The following KCNH7 variants were observed in gnomAD, a reference collection of about 807,000 sequenced individuals.
KCNH7 encodes the protein potassium voltage-gated channel subfamily H member 7, also known as voltage-gated inwardly rectifying potassium channel KCNH7.
Under a neutral mutation model 120.8 loss-of-function variants are expected in KCNH7, and 49 were observed. The observed-to-expected ratio is 0.41, with a 90% CI of 0.32 to 0.51. The LOEUF is 0.51. KCNH7 is among the 20% of genes least tolerant of loss of function. The probability of loss-of-function intolerance (pLI) is 0.38; values close to 1 mark genes in which losing one functional copy is unlikely to be tolerated. For missense variants in KCNH7, 1,097 were observed against 1,446.6 expected (o/e 0.76, Z 3.92); for synonymous variants, 547 against 516.1 (o/e 1.06, Z -0.81).
chr2:162,512,655 T>G lies in KCNH7; in HGVS notation c.912A>C (p.Lys304Asn), dbSNP rs763435389. The change falls in exon 5 of 16, where the codon AAA (lysine) becomes AAC (asparagine). Residue 304 changes from lysine (K) to asparagine (N), a missense_variant and splice_region_variant. Lys to Asn is a moderately conservative substitution (Grantham distance 94). Around this residue, in one of 8 missense-constraint regions of KCNH7, gnomAD observed 362 missense variants for 372.2 expected, o/e 0.97. Transcript: ENST00000332142. ...GTGAAATTTGAGTTTGTACATTACCTTTGACATTGCGACCATTGTCTGTTT... is the reference window on the plus strand; with the variant it reads ...GTGAAATTTGAGTTTGTACATTACCGTTGACATTGCGACCATTGTCTGTTT... ...HASEDNGRNVKGPFNHIKSSL... is the reference protein window; with the variant it reads ...HASEDNGRNVNGPFNHIKSSL... The G allele has an allele frequency of 1.2e-6, 2 of 1,608,836 alleles. No individual in the cohort carries two copies. The highest frequency in any genetic ancestry group is 2.2e-5 in the South Asian group (2 of 90,436).
At chr2:162,504,210 C>A (rs2105752480) in intron 6 of KCNH7, among the ~76,000 whole-genome samples, 1 of 152,104 alleles carries the variant, frequency 6.6e-6, no homozygotes, top group South Asian at 2.1e-4. Context: ...AAAGTGGGAG[C>A]AACCATGCCA....
chr2:162,777,860 T>C (rs1256770158), intron 2 of KCNH7, among the ~76,000 whole-genome samples: 1 of 152,176 alleles, frequency 6.6e-6, no homozygotes, highest in African/African-American at 2.4e-5. Flanking sequence ...TTGATATAAA[T>C]TGAACTAACA....
intron 9 of KCNH7, among the ~76,000 whole-genome samples, chr2:162,420,315 G>A (rs371159100): frequency 6.6e-6 from 1 of 152,162 alleles, no homozygotes; most frequent in East Asian, 1.9e-4. Flanking sequence ...GGTGGAGGTT[G>A]CAGTGAGCCT....
Position 162,512,645 on chromosome 2 carries a change from G to A in KCNH7, c.913+9C>T. 1 of 1,608,450 alleles carries A rather than the reference G, an allele frequency of 6.2e-7. No homozygotes were observed. On this transcript the variant is annotated intron_variant, in intron 5 of 15. Transcript: ENST00000332142. Reference sequence around the variant, plus strand: ...ACATCAGATGGTGAAATTTGAGTTTGTACATTACCTTTGACATTGCGACCA... The same window carrying A: ...ACATCAGATGGTGAAATTTGAGTTTATACATTACCTTTGACATTGCGACCA...
intron 3 of KCNH7, among the ~76,000 whole-genome samples, chr2:162,531,084 G>A (rs1025129216): frequency 5.3e-5 from 8 of 151,964 alleles, no homozygotes; most frequent in East Asian, 3.9e-4. Context: ...TCTGTCCAAC[G>A]CTTCCCTGTA....
intron 2 of KCNH7, among the ~76,000 whole-genome samples, chr2:162,714,615 T>A (rs890997708): frequency 1.2e-4 from 18 of 152,302 alleles, no homozygotes; most frequent in Non-Finnish European, 2.9e-5. Context: ...GTTGGCAAAC[T>A]TTCTCTGTAA....
intron 2 of KCNH7, chr2:162,797,216 A>G (rs1684177898): frequency 6.6e-6 from 1 of 152,060 alleles, no homozygotes; most frequent in African/African-American, 2.4e-5. Flanking sequence ...AATCTTCTCA[A>G]CATGATGCTC....
At chr2:162,384,088 T>C (rs1473823627) in intron 13 of KCNH7, among the ~76,000 whole-genome samples, 1 of 151,942 alleles carries the variant, frequency 6.6e-6, no homozygotes, top group Non-Finnish European at 1.5e-5. Flanking sequence ...TAGCATGAAA[T>C]CTGCATCTAC....
chr2:162,712,620 CA>C (rs75330803), intron 2 of KCNH7, among the ~76,000 whole-genome samples: 2,983 of 152,244 alleles, frequency 0.02, 76 homozygotes, highest in East Asian at 0.078. Flanking sequence ...AATTCGGTCT[CA>C]AAATGTTCTT....
intron 8 of KCNH7, 59 bp from the exon 9 acceptor site, chr2:162,423,594 G>A (rs755108574): frequency 2.4e-5 from 34 of 1,431,446 alleles, no homozygotes; most frequent in African/African-American, 4.2e-5. Flanking sequence ...GTTATATATT[G>A]TTAGAGTATC....
At chr2:162,685,147 G>A (rs1685843330) in intron 2 of KCNH7, among the ~76,000 whole-genome samples, 3 of 151,994 alleles carry the variant, frequency 2.0e-5, no homozygotes, top group Admixed American at 2.0e-4. Context: ...GTTGAACAAT[G>A]AGAACACATG....
chr2:162,429,835 C>T (rs971559456), intron 8 of KCNH7, among the ~76,000 whole-genome samples: 1 of 150,856 alleles, frequency 6.6e-6, no homozygotes, highest in Non-Finnish European at 1.5e-5. Flanking sequence ...AAATTTCTGC[C>T]ATTATTTTTA....
At chr2:162,514,394 C>T (rs1691211950) in intron 4 of KCNH7, among the ~76,000 whole-genome samples, 1 of 151,718 alleles carries the variant, frequency 6.6e-6, no homozygotes, top group African/African-American at 2.4e-5. Flanking sequence ...TAAATTATAA[C>T]TGTACTTATC....
intron 3 of KCNH7, among the ~76,000 whole-genome samples, chr2:162,524,220 C>T (rs1289015654): frequency 6.6e-6 from 1 of 152,018 alleles, no homozygotes; most frequent in African/African-American, 2.4e-5. Flanking sequence ...GCCAGTCCTC[C>T]TGGAGCTCAA....
chr2:162,507,345 T>C (rs1690915355), intron 5 of KCNH7, among the ~76,000 whole-genome samples: 1 of 151,622 alleles, frequency 6.6e-6, no homozygotes, highest in African/African-American at 2.4e-5. Context: ...AAAAGTTCCT[T>C]CAAAAATATT....
At chr2:162,625,907 A>G (rs1230737565) in intron 2 of KCNH7, among the ~76,000 whole-genome samples, 2 of 152,024 alleles carry the variant, frequency 1.3e-5, no homozygotes, top group Non-Finnish European at 2.9e-5. Flanking sequence ...TTGCTTTGGG[A>G]ATCCTAGTAC....
chr2:162,509,716 G>T (rs940537330), intron 5 of KCNH7, among the ~76,000 whole-genome samples: 26 of 151,538 alleles, frequency 1.7e-4, no homozygotes, highest in Admixed American at 1.5e-3. Context: ...CTGGGTAATG[G>T]CCAAGGCAGC....
chr2:162,558,628 C>T lies in KCNH7; in HGVS notation c.308-21548G>A, dbSNP rs74729137. On this transcript the variant is annotated intron_variant, in intron 2 of 15. Transcript: ENST00000332142. ...TGGGGTAAGTTACATGACCTTTTAA[C>T]CTGGAAAAGAAGTAACATGGTGATG... 8.4e-3 allele frequency among the ~76,000 whole-genome samples: 1,242 copies of T among 147,588 alleles called. 13 individuals are homozygous for T. The highest frequency in any genetic ancestry group is 0.014 in the Non-Finnish European group (949 of 67,564).
intron 2 of KCNH7, among the ~76,000 whole-genome samples, chr2:162,700,059 A>T (rs1686439952): frequency 6.6e-6 from 1 of 152,196 alleles, no homozygotes. Flanking sequence ...GCACGATTCC[A>T]GAAGCAATGG....
Sources: gnomAD v4.1 joint callset for allele counts (sites outside exome capture counted in the v4.1 genomes callset) on GRCh38, gnomAD v4.1.1 for gene constraint, gnomAD v4.1.1 regional missense constraint, MANE v1.5 for transcripts, NCBI Gene and HGNC (gene_info 2026-07-23, HGNC 2026-07-21) for gene names.